Variants in CTNNA3 observed in about 807,000 individuals in gnomAD.
CTNNA3 encodes the protein catenin alpha 3, also known as catenin alpha-3.
CTNNA3 carries 76 observed loss-of-function variants against 95.7 expected under a neutral mutation model. The observed-to-expected ratio is 0.79, with a 90% CI of 0.66 to 0.96. CTNNA3 has a LOEUF of 0.96. Ranked by LOEUF, CTNNA3 falls within the 40% of genes least tolerant of loss-of-function variation. The pLI is 0.00. For synonymous variants in CTNNA3, 431 were observed against 374.4 expected (o/e 1.15, Z -1.74); for missense variants, 1,191 against 1,089.8 (o/e 1.09, Z -1.31).
intron 7 of CTNNA3, among the ~76,000 whole-genome samples, chr10:66,995,908 C>G (rs1851304022): frequency 6.6e-6 from 1 of 152,148 alleles, no homozygotes; most frequent in South Asian, 2.1e-4. Flanking sequence ...TTATGGAGTA[C>G]TGATATTGCA....
At chr10:66,628,915 A>C (rs2132337653) in intron 9 of CTNNA3, among the ~76,000 whole-genome samples, 1 of 152,228 alleles carries the variant, frequency 6.6e-6, no homozygotes, top group African/African-American at 2.4e-5. Flanking sequence ...TTAATTAAGA[A>C]GTTACTAGTT....
chr10:66,197,386 T>TATCATCG, intron 13 of CTNNA3, among the ~76,000 whole-genome samples: 1 of 145,758 alleles, frequency 6.9e-6, no homozygotes. Flanking sequence ...ATCTATCATC[T>TATCATCG]ATCTATCCAC....
At chr10:66,642,477 A>G (rs1361604392) in intron 9 of CTNNA3, among the ~76,000 whole-genome samples, 2 of 152,124 alleles carry the variant, frequency 1.3e-5, no homozygotes, top group African/African-American at 4.8e-5. Flanking sequence ...GATATCTGTC[A>G]TTGGCATATC....
intron 17 of CTNNA3, among the ~76,000 whole-genome samples, chr10:65,937,058 T>C (rs1027508541): frequency 1.3e-4 from 20 of 152,042 alleles, no homozygotes; most frequent in Non-Finnish European, 1.9e-4. Context: ...TTAAGTACTA[T>C]TACAGTAGCC....
intron 7 of CTNNA3, among the ~76,000 whole-genome samples, chr10:67,077,828 G>A (rs1856814135): frequency 6.6e-6 from 1 of 152,010 alleles, no homozygotes. Context: ...AATTAATAAA[G>A]AGAGAAAATT....
intron 5 of CTNNA3, among the ~76,000 whole-genome samples, chr10:67,290,209 GA>G (rs1409363826): frequency 6.6e-6 from 1 of 152,162 alleles, no homozygotes; most frequent in Non-Finnish European, 1.5e-5. Context: ...AGTGTTAAGG[GA>G]TGGAGTAATA....
chr10:66,879,653 C>A (rs1844768498), intron 7 of CTNNA3, among the ~76,000 whole-genome samples: 1 of 152,002 alleles, frequency 6.6e-6, no homozygotes. Flanking sequence ...GGAATGCCAG[C>A]TGAATGACAC....
At chr10:66,360,239 A>T (rs2092643488) in intron 12 of CTNNA3, among the ~76,000 whole-genome samples, 1 of 151,816 alleles carries the variant, frequency 6.6e-6, no homozygotes, top group African/African-American at 2.4e-5. Context: ...TCCCTCTATC[A>T]TGTAGCTTTA....
intron 3 of CTNNA3, among the ~76,000 whole-genome samples, chr10:67,554,682 A>G (rs530341764): frequency 1.2e-4 from 18 of 152,190 alleles, no homozygotes; most frequent in African/African-American, 4.3e-4. Context: ...AGATTGCAAA[A>G]ATTTTCTCCC....
intron 5 of CTNNA3, among the ~76,000 whole-genome samples, chr10:67,432,335 T>C (rs1454827538): frequency 6.6e-6 from 1 of 152,054 alleles, no homozygotes; most frequent in Non-Finnish European, 1.5e-5. Context: ...TATGTTTCTA[T>C]TAGTTTCCTG....
At chr10:66,198,809 C>T (rs978479968) in intron 13 of CTNNA3, among the ~76,000 whole-genome samples, 2 of 152,082 alleles carry the variant, frequency 1.3e-5, no homozygotes, top group Admixed American at 6.5e-5. Flanking sequence ...GTCCTATGAG[C>T]GAACATTGTA....
chr10:67,672,951 A>G (rs1212657200), intron 1 of CTNNA3, among the ~76,000 whole-genome samples: 1 of 131,182 alleles, frequency 7.6e-6, no homozygotes, highest in Non-Finnish European at 1.7e-5. Flanking sequence ...TACCTTGGGC[A>G]GTATGGCCAT....
intron 7 of CTNNA3, among the ~76,000 whole-genome samples, chr10:66,840,357 C>CTCTT (rs1843015696): frequency 8.1e-6 from 1 of 123,224 alleles, no homozygotes; most frequent in South Asian, 2.7e-4. Flanking sequence ...CTCTCTCTCT[C>CTCTT]TCTCTCTCTC....
At chr10:65,988,647 G>A (rs1399429324) in intron 16 of CTNNA3, 45 bp downstream of exon 16, 1 of 1,458,844 alleles carries the variant, frequency 6.9e-7, no homozygotes, top group Non-Finnish European at 9.6e-7. Context: ...ATGGCAAAGA[G>A]CAATTAGCAT....
intron 12 of CTNNA3, among the ~76,000 whole-genome samples, chr10:66,282,546 AT>A (rs2091511819): frequency 6.6e-6 from 1 of 151,770 alleles, no homozygotes; most frequent in African/African-American, 2.4e-5. Context: ...ACTAAGTGCC[AT>A]CTGCTCTACT....
At chr10:66,893,415 T>A (rs1845348334) in intron 7 of CTNNA3, among the ~76,000 whole-genome samples, 1 of 152,024 alleles carries the variant, frequency 6.6e-6, no homozygotes, top group Admixed American at 6.6e-5. Flanking sequence ...AATAATTATG[T>A]GTAATGTCTC....
chr10:66,018,720 C>T (rs1416642994), intron 15 of CTNNA3, among the ~76,000 whole-genome samples: 1 of 151,968 alleles, frequency 6.6e-6, no homozygotes, highest in Non-Finnish European at 1.5e-5. Context: ...GAGGAATTAT[C>T]TTTTCTATCT....
intron 9 of CTNNA3, among the ~76,000 whole-genome samples, chr10:66,694,890 C>T (rs1847699655): frequency 6.6e-6 from 1 of 152,216 alleles, no homozygotes; most frequent in South Asian, 2.1e-4. Flanking sequence ...TCTTGTGCCT[C>T]CTCAGAAATT....
intron 7 of CTNNA3, among the ~76,000 whole-genome samples, chr10:66,819,646 C>G (rs1842228060): frequency 6.6e-6 from 1 of 152,066 alleles, no homozygotes; most frequent in African/African-American, 2.4e-5. Flanking sequence ...TACAACTCAA[C>G]TATTTAAAAG....
Sources: gnomAD v4.1 joint callset for allele counts (sites outside exome capture counted in the v4.1 genomes callset) on GRCh38, gnomAD v4.1.1 for gene constraint, MANE v1.5 for transcripts, NCBI Gene and HGNC (gene_info 2026-07-23, HGNC 2026-07-21) for gene names.